AGTPBP1: variants seen among roughly 807,000 people sequenced by gnomAD.
AGTPBP1 encodes the protein ATP/GTP binding carboxypeptidase 1, also known as cytosolic carboxypeptidase 1.
In AGTPBP1, 70 loss-of-function variants were observed where a neutral mutation model predicts 143.9. The observed-to-expected ratio is 0.49, with a 90% CI of 0.40 to 0.59. The LOEUF (loss-of-function observed/expected upper bound fraction) is 0.59, where lower values mean the gene tolerates loss of function less well. Among genes scored for constraint, AGTPBP1 ranks in the 20% least tolerant of loss-of-function variants. AGTPBP1 has a pLI of 0.00. For missense variants in AGTPBP1, 1,229 were observed against 1,464.5 expected (o/e 0.84, Z 2.62); for synonymous variants, 463 against 500.2 (o/e 0.93, Z 0.99).
At position 85,579,096 on chromosome 9, in the gene AGTPBP1, T is replaced by C; in HGVS notation, c.3166A>G (p.Thr1056Ala). 1 of 1,589,088 alleles carries C rather than the reference T, an allele frequency of 6.3e-7. No individual in the cohort carries two copies. Among genetic ancestry groups the C allele is most frequent in the Non-Finnish European group, 8.5e-7 (1 of 1,173,404 alleles). The change falls in exon 24 of 26, where the codon ACA becomes GCA. Residue 1056 changes from threonine (T) to alanine (A), a missense_variant and splice_region_variant. This residue lies in a region of AGTPBP1 where 486 missense variants were observed against 652.3 expected (regional missense o/e 0.75). Transcript: ENST00000357081. ...ATATGGCTCAGTATCTTAGGCAATG[T>C]CTGTTAAAAACAAGAATGATGATGA... ...CDVVEDTGYR[T>A]LPKILSHIAP...
intron 25 of AGTPBP1, among the ~76,000 whole-genome samples, chr9:85,573,259 AC>A (rs1237455738): frequency 2.0e-5 from 3 of 151,928 alleles, no homozygotes; most frequent in Admixed American, 2.0e-4. Flanking sequence ...ACGCGCCACC[AC>A]GCCTGACTGG....
the AGTPBP1 span, chr9:85,786,597 C>T: frequency 6.3e-7 from 1 of 1,593,868 alleles, no homozygotes; most frequent in South Asian, 1.1e-5. Flanking sequence ...AATAATAGAA[C>T]TTTTAGTAGA....
At chr9:85,706,388 G>A (rs1255235356) in intron 2 of AGTPBP1, among the ~76,000 whole-genome samples, 1 of 151,688 alleles carries the variant, frequency 6.6e-6, no homozygotes, top group Non-Finnish European at 1.5e-5. Context: ...GCAGGCACCT[G>A]TAATCCCAGC....
chr9:85,573,494 T>C (rs1450148520), intron 25 of AGTPBP1, among the ~76,000 whole-genome samples: 1 of 152,144 alleles, frequency 6.6e-6, no homozygotes, highest in African/African-American at 2.4e-5. Flanking sequence ...TCTCCCAAAG[T>C]GCCGAGATTG....
At chr9:85,650,042 CTTTTTTTTTT>C (rs35903806) in intron 11 of AGTPBP1, among the ~76,000 whole-genome samples, 1 of 109,238 alleles carries the variant, frequency 9.2e-6, no homozygotes, top group African/African-American at 3.5e-5. Context: ...CTAAACTTTC[CTTTTTTTTTT>C]TTTTTTTTTT....
intron 2 of AGTPBP1, among the ~76,000 whole-genome samples, chr9:85,709,139 GATCA>G (rs1837205250): frequency 6.6e-6 from 1 of 152,102 alleles, no homozygotes; most frequent in Non-Finnish European, 1.5e-5. Flanking sequence ...GACCAAGTAA[GATCA>G]ATCACAGGAA....
intron 2 of AGTPBP1, among the ~76,000 whole-genome samples, 198 bp from the exon 3 acceptor site, chr9:85,693,011 AAC>A (rs1428295258): frequency 2.6e-5 from 4 of 152,226 alleles, no homozygotes; most frequent in Non-Finnish European, 4.4e-5. Context: ...TTAAGTGAGA[AAC>A]ACATTCTATT....
intron 2 of AGTPBP1, among the ~76,000 whole-genome samples, chr9:85,700,859 T>C (rs1228133615): frequency 6.6e-6 from 1 of 152,222 alleles, no homozygotes; most frequent in Admixed American, 6.5e-5. Flanking sequence ...AGGTATCTAC[T>C]ACATCAGCTT....
the AGTPBP1 span, chr9:85,755,996 A>T: frequency 9.4e-7 from 1 of 1,062,300 alleles, no homozygotes; most frequent in Non-Finnish European, 1.3e-6. Flanking sequence ...ATTTCAGCCA[A>T]TCTGAAATTC....
At chr9:85,624,149 T>C (rs1831124723) in intron 14 of AGTPBP1, among the ~76,000 whole-genome samples, 2 of 152,202 alleles carry the variant, frequency 1.3e-5, no homozygotes, top group South Asian at 4.1e-4. Flanking sequence ...TGTAAGAACA[T>C]TATGGGAAAT....
intron 23 of AGTPBP1, among the ~76,000 whole-genome samples, chr9:85,580,538 T>A (rs2133108916): frequency 6.6e-6 from 1 of 152,272 alleles, no homozygotes; most frequent in East Asian, 1.9e-4. Flanking sequence ...ACACAGATCA[T>A]AATTGACCAA....
intron 25 of AGTPBP1, among the ~76,000 whole-genome samples, chr9:85,574,882 C>A (rs1480372373): frequency 6.6e-6 from 1 of 152,026 alleles, no homozygotes; most frequent in Non-Finnish European, 1.5e-5. Context: ...CTAATTCTTG[C>A]ATTTTTAGGA....
chr9:85,591,701 A>G (rs1411787899), intron 19 of AGTPBP1, among the ~76,000 whole-genome samples: 3 of 152,166 alleles, frequency 2.0e-5, no homozygotes, highest in Non-Finnish European at 4.4e-5. Flanking sequence ...AGTAAGCCTC[A>G]TTTAATGCTG....
At chr9:85,628,841 G>A (rs1351948475) in intron 14 of AGTPBP1, among the ~76,000 whole-genome samples, 1 of 152,106 alleles carries the variant, frequency 6.6e-6, no homozygotes, top group Non-Finnish European at 1.5e-5. Flanking sequence ...ATAGGTGCCC[G>A]AGTAACTGGG....
At chr9:85,767,729 A>G in the AGTPBP1 span, among the ~76,000 whole-genome samples, 4,134 of 152,096 alleles carry the variant, frequency 0.027, 186 homozygotes, top group African/African-American at 0.088. Flanking sequence ...TGATCCACCC[A>G]CCTCAGCCTC....
rs1407063348 is a variant in AGTPBP1 at position 85,737,909 on chromosome 9, A to AT, written c.-34+3865dup. Among the ~76,000 whole-genome samples, 37 of 152,240 alleles carry AT rather than the reference A, an allele frequency of 2.4e-4. No homozygotes were observed. In the East Asian group the frequency reaches 5.2e-3, roughly 21 times the overall value. Reference sequence around the variant, plus strand: ...TTAGCCATTAACTATGTGAGACTGGATTTTCTCCATATGTATTTCAACCCA... The same window carrying AT: ...TTAGCCATTAACTATGTGAGACTGGATTTTTCTCCATATGTATTTCAACCCA... On this transcript the variant is annotated intron_variant, in intron 1 of 25. Transcript: ENST00000357081.
chr9:85,703,413 A>T (rs1287375468), intron 2 of AGTPBP1, among the ~76,000 whole-genome samples: 2 of 152,258 alleles, frequency 1.3e-5, no homozygotes, highest in Non-Finnish European at 2.9e-5. Context: ...GAAACAGATG[A>T]TAAAAGCCTG....
In AGTPBP1 at chr9:85,633,087, A is replaced by T; in HGVS notation, c.1590T>A (p.Ile530=). Residue 530 remains isoleucine (I), a synonymous_variant, in exon 14 of 26, where the codon ATT becomes ATA. Coordinates refer to ENST00000357081, the MANE Select transcript of AGTPBP1 (RefSeq NM_001330701.2). ...ISSVHGLNND[I]VKALDRITLQ... ...ATGTAATTCGGTCCAAGGCCTTTAC[A>T]ATATCATTGTTTAAACCATGGACTG... 1.9e-6 allele frequency: 3 copies of T among 1,614,192 alleles called. No homozygotes were observed. The highest frequency in any genetic ancestry group is 2.5e-6 in the Non-Finnish European group (3 of 1,180,012).
At chr9:85,757,649 C>T in the AGTPBP1 span, among the ~76,000 whole-genome samples, 1 of 152,020 alleles carries the variant, frequency 6.6e-6, no homozygotes, top group Non-Finnish European at 1.5e-5. Flanking sequence ...TTTTTAATAC[C>T]TGACTCTGAA....
Sources: gnomAD v4.1 joint callset for allele counts (sites outside exome capture counted in the v4.1 genomes callset) on GRCh38, gnomAD v4.1.1 for gene constraint, gnomAD v4.1.1 regional missense constraint, MANE v1.5 for transcripts, NCBI Gene and HGNC (gene_info 2026-07-23, HGNC 2026-07-21) for gene names.